Variants in DENND1B observed in about 807,000 individuals in gnomAD.
DENND1B encodes DENN domain containing 1B, also known as DENN domain-containing protein 1B.
DENND1B carries 59 observed loss-of-function variants against 90.1 expected under a neutral mutation model. The observed-to-expected ratio is 0.65, with a 90% CI of 0.53 to 0.81. The LOEUF is 0.81. Among genes scored for constraint, DENND1B ranks in the 40% least tolerant of loss-of-function variants. The pLI, the probability that DENND1B is intolerant of heterozygous loss-of-function variation, is 0.00. For synonymous variants in DENND1B, 337 were observed against 324.6 expected, an observed-to-expected ratio of 1.04 and a Z score of -0.41; for missense variants, 862 against 912.6, an observed-to-expected ratio of 0.94 and a Z score of 0.71.
chr1:197,761,025 G>C (rs1285519839), intron 2 of DENND1B, among the ~76,000 whole-genome samples: 2 of 152,074 alleles, frequency 1.3e-5, no homozygotes, highest in Non-Finnish European at 2.9e-5. Context: ...GTCTAAACCT[G>C]TACACAGTGA....
intron 18 of DENND1B, among the ~76,000 whole-genome samples, chr1:197,544,928 A>G (rs1346174184): frequency 1.5e-3 from 1 of 682 alleles, no homozygotes; most frequent in Non-Finnish European, 6.7e-3. Flanking sequence ...AGAAGAAAAG[A>G]GAAGAAGAAG....
intron 2 of DENND1B, among the ~76,000 whole-genome samples, chr1:197,730,738 T>A (rs922232343): frequency 6.6e-6 from 1 of 152,076 alleles, no homozygotes; most frequent in Non-Finnish European, 1.5e-5. Flanking sequence ...TAATCCTAAT[T>A]TTGCAGATTC....
At chr1:197,780,051 A>G (rs1332145106), upstream of DENND1B, among the ~76,000 whole-genome samples, 1 of 152,196 alleles carries the variant, frequency 6.6e-6, no homozygotes, top group Non-Finnish European at 1.5e-5. Context: ...CATAAACACT[A>G]AATTCTCAGC....
rs199737823 is a variant in DENND1B at position 197,715,091 on chromosome 1, T to G, written c.83-17A>C. 1.9e-6 allele frequency: 3 copies of G among 1,605,916 alleles called. No individual in the cohort carries two copies. The African/African-American group carries it at 4.0e-5, about 21-fold the overall frequency. On this transcript the variant is annotated splice_polypyrimidine_tract_variant and intron_variant, in intron 2 of 22. Transcript: ENST00000620048. ...CCACAGGATCTGTAAATAATTGACA[T>G]GTATAATTAAACAGCAGCAAAAGAA...
At chr1:197,727,717 A>C (rs989873235) in intron 2 of DENND1B, among the ~76,000 whole-genome samples, 2 of 152,172 alleles carry the variant, frequency 1.3e-5, no homozygotes, top group African/African-American at 4.8e-5. Flanking sequence ...GTCATGTGAC[A>C]TTACACAAAA....
chr1:197,688,178 A>G (rs1657456190), intron 3 of DENND1B, among the ~76,000 whole-genome samples: 1 of 152,146 alleles, frequency 6.6e-6, no homozygotes, highest in African/African-American at 2.4e-5. Flanking sequence ...AGAGACACAA[A>G]TAAATAAAAA....
At chr1:197,666,325 T>C (rs1394976656) in intron 5 of DENND1B, among the ~76,000 whole-genome samples, 1 of 152,240 alleles carries the variant, frequency 6.6e-6, no homozygotes, top group Non-Finnish European at 1.5e-5. Flanking sequence ...CAGTTAATCA[T>C]TTATTTTGAC....
At chr1:197,684,672 C>G (rs1031180564) in intron 3 of DENND1B, among the ~76,000 whole-genome samples, 1 of 152,130 alleles carries the variant, frequency 6.6e-6, no homozygotes, top group Non-Finnish European at 1.5e-5. Flanking sequence ...AAAGATGCTA[C>G]TTATATCTCT....
At chr1:197,528,047 G>A (rs1249543460) in intron 20 of DENND1B, among the ~76,000 whole-genome samples, 2 of 152,132 alleles carry the variant, frequency 1.3e-5, no homozygotes, top group Admixed American at 6.5e-5. Flanking sequence ...ATGAATGAAA[G>A]TGTTTCATAA....
At chr1:197,607,852 T>C (rs1676829411) in intron 12 of DENND1B, among the ~76,000 whole-genome samples, 1 of 150,724 alleles carries the variant, frequency 6.6e-6, no homozygotes, top group South Asian at 2.1e-4. Context: ...TAATAGTAAA[T>C]AAGAATTTTA....
intron 3 of DENND1B, among the ~76,000 whole-genome samples, chr1:197,680,822 T>C (rs1656608343): frequency 6.6e-6 from 1 of 152,152 alleles, no homozygotes; most frequent in African/African-American, 2.4e-5. Flanking sequence ...TGTGCTCCAG[T>C]TTCCTCATCT....
chr1:197,674,667 T>TAAAAA (rs35033905), intron 3 of DENND1B, among the ~76,000 whole-genome samples: 1 of 144,700 alleles, frequency 6.9e-6, no homozygotes, highest in Non-Finnish European at 1.5e-5. Flanking sequence ...GTCAAACAGT[T>TAAAAA]AAAAAAAAAA....
intron 2 of DENND1B, among the ~76,000 whole-genome samples, chr1:197,742,969 G>C (rs1225925831): frequency 6.6e-6 from 1 of 152,134 alleles, no homozygotes; most frequent in East Asian, 1.9e-4. Flanking sequence ...ATTCAACTGA[G>C]ACACCTCAGA....
At chr1:197,714,302 CA>C (rs941272030) in intron 3 of DENND1B, among the ~76,000 whole-genome samples, 1 of 151,348 alleles carries the variant, frequency 6.6e-6, no homozygotes, top group African/African-American at 2.4e-5. Context: ...AAAAAATTGG[CA>C]AAAAAATCCT....
intron 3 of DENND1B, among the ~76,000 whole-genome samples, chr1:197,676,376 G>C (rs1162719214): frequency 6.6e-6 from 1 of 152,058 alleles, no homozygotes; most frequent in African/African-American, 2.4e-5. Flanking sequence ...ACAAAAGTGT[G>C]TGTGAAGGCT....
intron 7 of DENND1B, among the ~76,000 whole-genome samples, chr1:197,649,439 C>G (rs1004842411): frequency 2.4e-4 from 37 of 152,070 alleles, no homozygotes; most frequent in Admixed American, 1.5e-3. Context: ...TAGTCTACTA[C>G]TAATAGTAGT....
Position 197,672,172 on chromosome 1 carries a change from A to G in DENND1B, c.177-16T>C. ...CTGAGACACCCTAAAATATAGTAAC[A>G]TTAGGAAACATTGTGCCTTGTTTGA... On this transcript the variant is annotated splice_polypyrimidine_tract_variant and intron_variant, in intron 4 of 22. Transcript: ENST00000620048. The G allele has an allele frequency of 6.3e-7, 1 of 1,590,286 alleles. No homozygotes were observed. Among genetic ancestry groups the G allele is most frequent in the Non-Finnish European group, 8.5e-7 (1 of 1,170,526 alleles).
intron 3 of DENND1B, among the ~76,000 whole-genome samples, chr1:197,702,037 T>A (rs550513796): frequency 4.7e-4 from 72 of 152,280 alleles, no homozygotes; most frequent in Non-Finnish European, 7.8e-4. Context: ...ATGAAATGTT[T>A]CCCTATCTCT....
intron 14 of DENND1B, among the ~76,000 whole-genome samples, chr1:197,589,494 T>C (rs1279114634): frequency 6.6e-6 from 1 of 152,184 alleles, no homozygotes; most frequent in Non-Finnish European, 1.5e-5. Context: ...TTAGTAACCA[T>C]AAAACTGTGA....
Sources: gnomAD v4.1 joint callset for allele counts (sites outside exome capture counted in the v4.1 genomes callset) on GRCh38, gnomAD v4.1.1 for gene constraint, MANE v1.5 for transcripts, NCBI Gene and HGNC (gene_info 2026-07-23, HGNC 2026-07-21) for gene names.